The following FBXO11 variants were observed in gnomAD, a reference collection of about 807,000 sequenced individuals.
The protein encoded by FBXO11 is F-box protein 11, also known as F-box only protein 11.
A neutral mutation model predicts 117.0 loss-of-function variants in FBXO11; 13 were observed. The ratio of observed to expected loss-of-function variants is 0.11; its 90% CI spans 0.07 to 0.18. The LOEUF is 0.18. Ranked by LOEUF, FBXO11 falls within the 10% of genes least tolerant of loss-of-function variation. The pLI is 1.00. For synonymous variants in FBXO11, 490 were observed against 380.5 expected (o/e 1.29, Z -3.35); for missense variants, 767 against 1,164.4 (o/e 0.66, Z 4.97).
At chr2:47,851,692 C>G (rs544271442) in intron 1 of FBXO11, among the ~76,000 whole-genome samples, 95 of 152,096 alleles carry the variant, frequency 6.2e-4, no homozygotes, top group Non-Finnish European at 1.1e-3. Flanking sequence ...ACACACAAAT[C>G]GTCATACGCA....
At chr2:47,847,269 A>G (rs983235041) in intron 1 of FBXO11, among the ~76,000 whole-genome samples, 2 of 151,986 alleles carry the variant, frequency 1.3e-5, no homozygotes, top group Non-Finnish European at 2.9e-5. Flanking sequence ...AAAGAAATTA[A>G]GCACTTAGGC....
intron 11 of FBXO11, among the ~76,000 whole-genome samples, chr2:47,827,868 T>C (rs1167324488): frequency 6.6e-6 from 1 of 151,836 alleles, no homozygotes; most frequent in East Asian, 1.9e-4. Flanking sequence ...AGCTAATTAT[T>C]GTATTTTTAG....
chr2:47,905,554 T>G lies in FBXO11; in HGVS notation c.167A>C (p.Gln56Pro), dbSNP rs894637081. 87 of 1,163,228 alleles carry G rather than the reference T, an allele frequency of 7.5e-5. No homozygotes were observed. Among genetic ancestry groups the G allele is most frequent in the Middle Eastern group, 6.8e-4 (2 of 2,954 alleles). The allele number at this position is 1,163,228 out of a possible 1,614,324, so 72.1% of individuals were successfully genotyped here. A position where few individuals can be genotyped will look rare whatever the true frequency, so the allele number is the denominator to read the frequency against. ...AGGCGGCGGTGGCGGCGGCGGAGGC[T>G]GCTGCTGCTGCTGCTGCTGCGGCGG... ...PPPPQQQQQQ[Q>P]PPPPPPPPPP... Residue 56 changes from glutamine to proline, a missense_variant, in exon 1 of 23, where the codon CAG (glutamine) becomes CCG (proline). Transcript: ENST00000403359.
intron 1 of FBXO11, among the ~76,000 whole-genome samples, chr2:47,863,762 G>A (rs1267224706): frequency 6.6e-6 from 1 of 152,058 alleles, no homozygotes; most frequent in Non-Finnish European, 1.5e-5. Context: ...CTAACAGGGT[G>A]GAACCACATA....
chr2:47,843,112 G>T (rs1275343890), intron 1 of FBXO11, among the ~76,000 whole-genome samples: 2 of 152,166 alleles, frequency 1.3e-5, no homozygotes, highest in African/African-American at 4.8e-5. Flanking sequence ...ATGTACTGCA[G>T]GAATCACAAA....
chr2:47,901,203 CAT>C (rs1678276078), intron 1 of FBXO11, among the ~76,000 whole-genome samples: 1 of 143,696 alleles, frequency 7.0e-6, no homozygotes, highest in African/African-American at 2.6e-5. Context: ...ATATGTGTGT[CAT>C]AGATAAGATT....
Position 47,905,572 on chromosome 2 carries a change from TGCGGCG to T in FBXO11, c.143_148del (p.Pro48_Pro49del), listed in dbSNP as rs1324822756. On this transcript the variant is annotated inframe_deletion, in exon 1 of 23. Coordinates refer to ENST00000403359, the MANE Select transcript of FBXO11 (RefSeq NM_001190274.2). The stretch of plus-strand genomic sequence containing the variant: ...CGGAGGCTGCTGCTGCTGCTGCTGC[TGCGGCG>T]GCGGCGGAGGCTGCTGCTGGGGCGG... The T allele has an allele frequency of 4.2e-6, 5 of 1,192,948 alleles. No homozygotes were observed. Among genetic ancestry groups the T allele is most frequent in the Middle Eastern group, 3.2e-4 (1 of 3,144 alleles). The allele number at this position is 1,192,948 out of a possible 1,614,324, so 73.9% of individuals were successfully genotyped here.
At chr2:47,895,041 A>C (rs1677552237) in intron 1 of FBXO11, among the ~76,000 whole-genome samples, 1 of 152,172 alleles carries the variant, frequency 6.6e-6, no homozygotes, top group Non-Finnish European at 1.5e-5. Context: ...CACACACCTT[A>C]AAGCTGTTTT....
rs920365294 is a variant in FBXO11 at position 47,807,773 on chromosome 2, TCTATTGAAGATTA to T, written c.*332_*344del. 2.0e-5 allele frequency: 5 copies of T among 251,816 alleles called. No homozygotes were observed. The highest frequency in any genetic ancestry group is 1.1e-4 in the African/African-American group (5 of 45,592). The allele number at this position is 251,816 out of a possible 1,614,324, so 15.6% of individuals were successfully genotyped here. ...ATAAAGGCAGCAACAAAGCTGCTTG[TCTATTGAAGATTA>T]CTACTGCAAATTGGACTGCATTCAA... On this transcript the variant is annotated 3_prime_UTR_variant, in exon 23 of 23. Transcript: ENST00000403359.
chr2:47,857,395 A>C (rs1674383178), intron 1 of FBXO11, among the ~76,000 whole-genome samples: 2 of 152,190 alleles, frequency 1.3e-5, no homozygotes, highest in Admixed American at 6.5e-5. Flanking sequence ...TGTTGGGATT[A>C]TAGTCGTGAG....
intron 1 of FBXO11, chr2:47,883,606 A>G (rs1352764565): frequency 6.3e-6 from 2 of 317,506 alleles, no homozygotes; most frequent in East Asian, 7.9e-5. Context: ...AAGCAACTGG[A>G]AGATGAACGT....
At position 47,890,836 on chromosome 2, in the gene FBXO11, G is replaced by A. The variant is rs1055475280; in HGVS notation, c.232+14653C>T. On this transcript the variant is annotated intron_variant, in intron 1 of 22. Coordinates refer to ENST00000403359, the MANE Select transcript of FBXO11 (RefSeq NM_001190274.2). ...GAAAAAAAAAAATATTATTATTATT[G>A]AGACACAGTCTTGCTCTATTGCTCA... Among the ~76,000 whole-genome samples the A allele has an allele frequency of 4.0e-5, 6 of 151,884 alleles. 1 individual carries two copies. The South Asian group carries it at 1.2e-3, about 32-fold the overall frequency.
At chr2:47,834,990 A>C (rs2104825377) in intron 5 of FBXO11, 119 bp from the exon 6 acceptor site, 4 of 732,450 alleles carry the variant, frequency 5.5e-6, no homozygotes, top group Non-Finnish European at 9.0e-6. Flanking sequence ...CAACTATTCC[A>C]AATAATTTTC....
At chr2:47,845,261 T>C (rs544080231) in intron 1 of FBXO11, among the ~76,000 whole-genome samples, 1 of 151,792 alleles carries the variant, frequency 6.6e-6, no homozygotes, top group Non-Finnish European at 1.5e-5. Context: ...ATTAATTCAT[T>C]TGCATCCTAA....
intron 1 of FBXO11, among the ~76,000 whole-genome samples, chr2:47,894,377 A>G (rs751324458): frequency 1.1e-4 from 17 of 152,308 alleles, no homozygotes; most frequent in Non-Finnish European, 2.4e-4. Context: ...AACTGTCCAA[A>G]TAATAGCAAA....
chr2:47,904,316 G>A (rs1001120117), intron 1 of FBXO11, among the ~76,000 whole-genome samples: 4 of 152,084 alleles, frequency 2.6e-5, no homozygotes, highest in Admixed American at 6.5e-5. Flanking sequence ...ATACGGTTCT[G>A]ACCTCTACCA....
chr2:47,902,652 T>A (rs1678384662), intron 1 of FBXO11, among the ~76,000 whole-genome samples: 1 of 152,148 alleles, frequency 6.6e-6, no homozygotes, highest in African/African-American at 2.4e-5. Context: ...CCAATTAACC[T>A]GTGGGCAATG....
At chr2:47,808,268 AAT>A in intron 22 of FBXO11, 21 bp from the exon 23 acceptor site, 1 of 1,612,758 alleles carries the variant, frequency 6.2e-7, no homozygotes, top group South Asian at 1.1e-5. Flanking sequence ...ATGAAACCCA[AAT>A]ATTAGAAAAG....
chr2:47,819,303 G>A (rs1158232675), intron 14 of FBXO11, among the ~76,000 whole-genome samples: 2 of 152,020 alleles, frequency 1.3e-5, no homozygotes, highest in Non-Finnish European at 1.5e-5. Flanking sequence ...CACAACCTTC[G>A]CCTCCCATGT....
Sources: allele counts gnomAD v4.1 joint callset (sites outside exome capture counted in the v4.1 genomes callset), GRCh38; gene constraint gnomAD v4.1.1; transcripts MANE v1.5; gene names NCBI Gene and HGNC (gene_info 2026-07-23, HGNC 2026-07-21).